The following GALNT8 variants were observed in gnomAD, a reference collection of about 807,000 sequenced individuals.
GALNT8 encodes the protein probable polypeptide N-acetylgalactosaminyltransferase 8.
A neutral mutation model predicts 62.7 loss-of-function variants in GALNT8; 66 were observed. The observed-to-expected ratio is 1.05, with a 90% confidence interval of 0.86 to 1.29. The LOEUF (loss-of-function observed/expected upper bound fraction) is 1.29. GALNT8 is among the 50% of genes most tolerant of loss of function. GALNT8 has a pLI of 0.00. For synonymous variants in GALNT8, 288 were observed against 294.3 expected (o/e 0.98, Z 0.22); for missense variants, 771 against 791.8 (o/e 0.97, Z 0.32).
At chr12:4,752,207 CCACT>C (rs995839324) in intron 6 of GALNT8, among the ~76,000 whole-genome samples, 2 of 151,962 alleles carry the variant, frequency 1.3e-5, no homozygotes, top group Admixed American at 1.3e-4. Context: ...ATTCATTTGG[CCACT>C]CTATGTCTTG....
intron 2 of GALNT8, among the ~76,000 whole-genome samples, chr12:4,729,169 G>A (rs1391633670): frequency 1.3e-5 from 2 of 152,066 alleles, no homozygotes; most frequent in African/African-American, 2.4e-5. Flanking sequence ...TGGCAAAATT[G>A]TATATCTTAT....
In GALNT8 at chr12:4,720,562, C is replaced by T; in HGVS notation, c.-116C>T. ...GGGTGTCTCACACAGGGGAGACCAA[C>T]TCAACTGGCACCTAGAACTCTCTTT... On this transcript the variant is annotated 5_prime_UTR_variant, in exon 1 of 11. Transcript: ENST00000252318. 1 of 740,564 alleles carries T rather than the reference C, an allele frequency of 1.4e-6. No individual in the cohort carries two copies. Among genetic ancestry groups the T allele is most frequent in the Non-Finnish European group, 2.4e-6 (1 of 418,036 alleles). The allele number at this position is 740,564 out of a possible 1,614,324, so 45.9% of individuals were successfully genotyped here.
chr12:4,753,056 G>A (rs1399966526), intron 6 of GALNT8, among the ~76,000 whole-genome samples: 1 of 152,148 alleles, frequency 6.6e-6, no homozygotes, highest in African/African-American at 2.4e-5. Context: ...TATGGGAGCT[G>A]CATTGTACGT....
chr12:4,730,887 C>T (rs1478505212), intron 2 of GALNT8, among the ~76,000 whole-genome samples: 11 of 139,156 alleles, frequency 7.9e-5, no homozygotes, highest in African/African-American at 3.0e-4. Context: ...TTTTTTGAGA[C>T]GGAGTCTCTC....
chr12:4,728,542 G>A (rs1378533683), intron 2 of GALNT8, among the ~76,000 whole-genome samples: 1 of 152,046 alleles, frequency 6.6e-6, no homozygotes, highest in Non-Finnish European at 1.5e-5. Context: ...TGTACATAAT[G>A]TGACAAGGAG....
chr12:4,771,879 A>T (rs7973527), intron 10 of GALNT8, among the ~76,000 whole-genome samples: 81,312 of 152,002 alleles, frequency 0.53, 22,160 homozygotes, highest in Non-Finnish European at 0.59. Context: ...TCGTATGTGG[A>T]AGAGCAAGGA....
At chr12:4,739,425 G>A in intron 3 of GALNT8, 96 bp downstream of exon 3, 2 of 864,430 alleles carry the variant, frequency 2.3e-6, no homozygotes, top group Non-Finnish European at 3.7e-6. Flanking sequence ...GGACACCTTG[G>A]GTTTCTCATG....
At chr12:4,741,404 A>C (rs561463912) in intron 3 of GALNT8, among the ~76,000 whole-genome samples, 3 of 152,264 alleles carry the variant, frequency 2.0e-5, no homozygotes, top group Non-Finnish European at 2.9e-5. Context: ...TTTCTGCCCC[A>C]AAAATAGGAG....
Position 4,720,803 on chromosome 12 carries a change from C to T in GALNT8, c.126C>T (p.His42=), listed in dbSNP as rs140601580. The T allele has an allele frequency of 6.3e-5, 102 of 1,611,632 alleles. No homozygotes were observed. The African/African-American group carries it at 1.3e-3, about 20-fold the overall frequency. The change falls in exon 1 of 11, where the codon CAC becomes CAT. Residue 42 remains histidine, a synonymous_variant. Transcript: ENST00000252318. Reference sequence around the variant, plus strand: ...AAAACCTGTTTACGGGTGGTCTCCACAGGGAGCTTCCTTTACATCTGAATA... The same window carrying T: ...AAAACCTGTTTACGGGTGGTCTCCATAGGGAGCTTCCTTTACATCTGAATA... The part of the protein sequence containing the change: ...TLQNLFTGGL[H]RELPLHLNKR...
intron 1 of GALNT8, among the ~76,000 whole-genome samples, chr12:4,724,579 G>C (rs993787871): frequency 6.6e-6 from 1 of 152,170 alleles, no homozygotes; most frequent in African/African-American, 2.4e-5. Context: ...TGTATGCTTA[G>C]GACAGAAAAG....
At chr12:4,761,729 T>C (rs1946373880) in intron 7 of GALNT8, among the ~76,000 whole-genome samples, 2 of 152,152 alleles carry the variant, frequency 1.3e-5, no homozygotes, top group African/African-American at 4.8e-5. Context: ...CAGCCAAGGT[T>C]GGCCTTCTGA....
At chr12:4,741,877 A>C (rs956789880) in intron 3 of GALNT8, among the ~76,000 whole-genome samples, 1 of 152,238 alleles carries the variant, frequency 6.6e-6, no homozygotes, top group African/African-American at 2.4e-5. Flanking sequence ...TTACAGGGAC[A>C]GGAATTAGAG....
At chr12:4,771,677 C>A (rs189825795) in intron 10 of GALNT8, among the ~76,000 whole-genome samples, 17 of 152,038 alleles carry the variant, frequency 1.1e-4, no homozygotes, top group African/African-American at 4.1e-4. Context: ...AGAGCCTGAC[C>A]CAGGCAGTAA....
In GALNT8 at chr12:4,720,467, T is replaced by C. The variant is rs762128562; in HGVS notation, c.-211T>C. 7 of 567,772 alleles carry C rather than the reference T, an allele frequency of 1.2e-5. No homozygotes were observed. Among genetic ancestry groups the C allele is most frequent in the Admixed American group, 3.1e-5 (1 of 32,780 alleles). 35.2% of individuals were successfully genotyped at this position (567,772 alleles called of 1,614,324 possible). The stretch of plus-strand genomic sequence containing the variant: ...GTGGAAAGCCGCTGAGCGGTTATCC[T>C]CTCGGGGCATAAAGACAAAGAAGGC... On this transcript the variant is annotated 5_prime_UTR_variant, in exon 1 of 11. Transcript: ENST00000252318.
chr12:4,731,280 GA>G (rs1439270550), intron 2 of GALNT8, among the ~76,000 whole-genome samples: 2 of 152,186 alleles, frequency 1.3e-5, no homozygotes, highest in African/African-American at 2.4e-5. Context: ...AGAATTGCTT[GA>G]TTTCCTTTTT....
intron 2 of GALNT8, among the ~76,000 whole-genome samples, chr12:4,728,482 A>G (rs567618626): frequency 2.0e-5 from 3 of 152,174 alleles, no homozygotes; most frequent in Admixed American, 2.0e-4. Context: ...TTCTTCTAAG[A>G]ATTTTATAGT....
chr12:4,761,032 C>T lies in GALNT8; in HGVS notation c.1248C>T (p.Pro416=). The T allele has an allele frequency of 1.2e-6, 2 of 1,614,078 alleles. No individual in the cohort carries two copies. Among genetic ancestry groups the T allele is most frequent in the Non-Finnish European group, 1.7e-6 (2 of 1,179,976 alleles). The change falls in exon 7 of 11, where the codon CCC becomes CCT. Residue 416 remains proline, a synonymous_variant. Transcript: ENST00000252318. The stretch of plus-strand genomic sequence containing the variant: ...CCCACCTAGAGAGACACCACAAGCC[C>T]TACGCCTTGGATCTCACCGCTGCCT... ...RIAHLERHHK[P]YALDLTAALK... is the part of the protein sequence containing the mutation.
rs776813253 is a variant in GALNT8 at position 4,739,339 on chromosome 12, G to T, written c.676+10G>T. ...GATTTCAGCTCAAATGGTGAGCAACGTGATCAAAGAATAATTGTAAAAATG... is the reference window on the plus strand; with the variant it reads ...GATTTCAGCTCAAATGGTGAGCAACTTGATCAAAGAATAATTGTAAAAATG... On this transcript the variant is annotated intron_variant, in intron 3 of 10. Transcript: ENST00000252318. The T allele has an allele frequency of 1.3e-5, 21 of 1,606,762 alleles. No individual in the cohort carries two copies. The highest frequency in any genetic ancestry group is 2.7e-5 in the African/African-American group (2 of 74,708).
At chr12:4,721,368 G>A (rs548600507) in intron 1 of GALNT8, among the ~76,000 whole-genome samples, 49 of 152,098 alleles carry the variant, frequency 3.2e-4, no homozygotes, top group African/African-American at 1.0e-3. Context: ...TTCAGCATAC[G>A]GAGGATCCCG....
Sources: gnomAD v4.1 joint callset for allele counts (sites outside exome capture counted in the v4.1 genomes callset) on GRCh38, gnomAD v4.1.1 for gene constraint, MANE v1.5 for transcripts, NCBI Gene and HGNC (gene_info 2026-07-23, HGNC 2026-07-21) for gene names.